The following KCNMA1 variants were observed in gnomAD, a reference collection of about 807,000 sequenced individuals.
KCNMA1 encodes Calcium-activated potassium channel subunit alpha-1.
In KCNMA1, 29 loss-of-function variants were observed where a neutral mutation model predicts 140.0. The ratio of observed to expected loss-of-function variants is 0.21; its 90% CI spans 0.15 to 0.28. KCNMA1 has a LOEUF of 0.28. KCNMA1 is among the 10% of genes least tolerant of loss of function. The pLI is 1.00. For missense variants in KCNMA1, 880 were observed against 1,602.2 expected (o/e 0.55, Z 7.70); for synonymous variants, 612 against 611.9 (o/e 1.00, Z 0.00).
At chr10:76,898,857 T>C (rs1043852480) in intron 25 of KCNMA1, among the ~76,000 whole-genome samples, 1 of 151,818 alleles carries the variant, frequency 6.6e-6, no homozygotes, top group Non-Finnish European at 1.5e-5. Context: ...AATTCTTTTT[T>C]TAAAAAAAAG....
intron 2 of KCNMA1, among the ~76,000 whole-genome samples, chr10:77,395,018 C>T (rs181965734): frequency 6.6e-6 from 1 of 152,254 alleles, no homozygotes; most frequent in Non-Finnish European, 1.5e-5. Context: ...ATAGCTTTCA[C>T]ATGTCACAAA....
rs114066066 is a variant in KCNMA1 at position 77,317,421 on chromosome 10, A to C, written c.541-66165T>G. Among the ~76,000 whole-genome samples the C allele has an allele frequency of 8.8e-3, 1,337 of 152,284 alleles. 22 individuals are homozygous for C. Among genetic ancestry groups the C allele is most frequent in the African/African-American group, 0.031 (1,274 of 41,538 alleles). On this transcript the variant is annotated intron_variant, in intron 2 of 27. Transcript: ENST00000286628. Reference sequence around the variant, plus strand: ...TCCAGACTGGAAGATAAGGGAATTCATTGAAGTGTTTAGAAGGGACAAGTG... The same window carrying C: ...TCCAGACTGGAAGATAAGGGAATTCCTTGAAGTGTTTAGAAGGGACAAGTG...
intron 5 of KCNMA1, among the ~76,000 whole-genome samples, chr10:77,130,470 A>G (rs573348762): frequency 2.6e-5 from 4 of 152,314 alleles, no homozygotes; most frequent in African/African-American, 9.6e-5. Flanking sequence ...GTGAGGATGT[A>G]ACTCCATGGT....
intron 1 of KCNMA1, among the ~76,000 whole-genome samples, chr10:77,589,231 G>C (rs2078239509): frequency 6.6e-6 from 1 of 152,184 alleles, no homozygotes; most frequent in Non-Finnish European, 1.5e-5. Flanking sequence ...CCAAAGGAAA[G>C]ATAGAGTAAT....
intron 27 of KCNMA1, chr10:76,887,842 G>A (rs1286853147): frequency 3.3e-5 from 12 of 360,802 alleles, no homozygotes; most frequent in Non-Finnish European, 5.8e-5. Context: ...AACCGCAAGA[G>A]GTTTCATGAA....
At chr10:77,377,324 A>C (rs1055766615) in intron 2 of KCNMA1, among the ~76,000 whole-genome samples, 3 of 152,166 alleles carry the variant, frequency 2.0e-5, no homozygotes, top group Non-Finnish European at 2.9e-5. Flanking sequence ...CGCCAAGGAC[A>C]AAGATGACCT....
At chr10:77,349,471 G>A (rs532465232) in intron 2 of KCNMA1, among the ~76,000 whole-genome samples, 3 of 152,284 alleles carry the variant, frequency 2.0e-5, no homozygotes, top group Non-Finnish European at 1.5e-5. Context: ...TGGGCAAAAG[G>A]ATAATATTAC....
At chr10:77,484,361 G>A (rs2098437736) in intron 1 of KCNMA1, among the ~76,000 whole-genome samples, 1 of 152,246 alleles carries the variant, frequency 6.6e-6, no homozygotes, top group Non-Finnish European at 1.5e-5. Flanking sequence ...AGACATTTCT[G>A]TGCCACCTCC....
intron 1 of KCNMA1, among the ~76,000 whole-genome samples, chr10:77,626,652 G>A (rs907064745): frequency 1.3e-5 from 2 of 152,124 alleles, no homozygotes; most frequent in South Asian, 2.1e-4. Context: ...TCCCAAAGAG[G>A]AGCAGAATTC....
At chr10:76,964,702 A>G (rs2073176074) in intron 20 of KCNMA1, among the ~76,000 whole-genome samples, 1 of 152,170 alleles carries the variant, frequency 6.6e-6, no homozygotes, top group Admixed American at 6.5e-5. Flanking sequence ...TCATGCTAGC[A>G]GGCTCTGATG....
chr10:77,573,648 GAATAGAATA>G (rs1567636552), intron 1 of KCNMA1, among the ~76,000 whole-genome samples: 1,744 of 49,018 alleles, frequency 0.036, 25 homozygotes, highest in Middle Eastern at 0.064. Flanking sequence ...GAATGGAATA[GAATAGAATA>G]GAATAGAATA....
intron 3 of KCNMA1, among the ~76,000 whole-genome samples, chr10:77,236,995 T>C (rs920635817): frequency 4.6e-5 from 7 of 152,212 alleles, no homozygotes; most frequent in African/African-American, 1.7e-4. Flanking sequence ...CATGAATGAG[T>C]TGAGATTGCA....
At chr10:77,024,136 G>A (rs1242807197) in intron 16 of KCNMA1, among the ~76,000 whole-genome samples, 1 of 152,076 alleles carries the variant, frequency 6.6e-6, no homozygotes, top group African/African-American at 2.4e-5. Context: ...ATCATTTTCT[G>A]GTATACTTAG....
chr10:76,945,463 T>C (rs1307305705), intron 22 of KCNMA1, among the ~76,000 whole-genome samples: 1 of 151,086 alleles, frequency 6.6e-6, no homozygotes, highest in Non-Finnish European at 1.5e-5. Flanking sequence ...GAGCACAGAG[T>C]GATGAGGTGG....
chr10:77,344,682 C>T (rs374574125), intron 2 of KCNMA1, among the ~76,000 whole-genome samples: 4 of 151,864 alleles, frequency 2.6e-5, no homozygotes, highest in East Asian at 1.9e-4. Flanking sequence ...TTCACTAGTC[C>T]TCTCTATCAT....
chr10:77,144,146 T>C (rs538928871), intron 5 of KCNMA1, among the ~76,000 whole-genome samples: 1 of 152,288 alleles, frequency 6.6e-6, no homozygotes, highest in Non-Finnish European at 1.5e-5. Flanking sequence ...TTATTCAAAA[T>C]AAGCCAAAGT....
chr10:77,207,628 A>G (rs2044577804), intron 3 of KCNMA1, among the ~76,000 whole-genome samples: 1 of 152,162 alleles, frequency 6.6e-6, no homozygotes, highest in South Asian at 2.1e-4. Context: ...AACATCTGGT[A>G]GAGATCCACT....
intron 2 of KCNMA1, among the ~76,000 whole-genome samples, chr10:77,278,993 G>A (rs2067530674): frequency 6.6e-6 from 1 of 152,132 alleles, no homozygotes; most frequent in Non-Finnish European, 1.5e-5. Context: ...CATTTTAGAT[G>A]AGTAGATTTT....
intron 2 of KCNMA1, chr10:77,372,952 G>A (rs922744901): frequency 6.6e-6 from 1 of 152,196 alleles, no homozygotes; most frequent in African/African-American, 2.4e-5. Context: ...AGGAAAGTAA[G>A]TACCTTTGTT....
Sources: allele counts gnomAD v4.1 joint callset (sites outside exome capture counted in the v4.1 genomes callset), GRCh38; gene constraint gnomAD v4.1.1; transcripts MANE v1.5; gene names NCBI Gene and HGNC (gene_info 2026-07-23, HGNC 2026-07-21).